Variants in SDS observed in about 807,000 individuals in gnomAD.
The protein encoded by SDS is L-serine dehydratase/L-threonine deaminase.
SDS carries 19 observed loss-of-function variants against 29.3 expected under a neutral mutation model. The ratio of observed to expected loss-of-function variants is 0.65; its 90% CI spans 0.45 to 0.95. SDS has a LOEUF of 0.95. Ranked by LOEUF, SDS falls within the 40% of genes least tolerant of loss-of-function variation. SDS has a pLI of 0.00. For synonymous variants in SDS, 176 were observed against 189.0 expected (o/e 0.93, Z 0.56); for missense variants, 375 against 439.9 (o/e 0.85, Z 1.32).
Position 113,397,325 on chromosome 12 carries a change from G to T in SDS, c.493C>A (p.Leu165Met). The change falls in exon 6 of 8, where the codon CTG (leucine) becomes ATG (methionine). Residue 165 changes from leucine (L) to methionine (M), a missense_variant. Coordinates refer to ENST00000257549, the MANE Select transcript of SDS (RefSeq NM_006843.3). ...TLWEKPGAIA[L>M]SVGGGGLLCG... ...AGCAGGCCCCCGCCGCCCACTGACA[G>T]CGCGATGGCCCCCGGCTTTTCCCAC... 6.2e-7 allele frequency: 1 copy of T among 1,614,050 alleles called. No individual in the cohort carries two copies. The highest frequency in any genetic ancestry group is 1.1e-5 in the South Asian group (1 of 91,070).
At chr12:113,394,351 T>TG (rs1317051298) in intron 6 of SDS, among the ~76,000 whole-genome samples, 7 of 151,144 alleles carry the variant, frequency 4.6e-5, no homozygotes, top group African/African-American at 1.7e-4. Context: ...TTGTTTTTTT[T>TG]TTTTTTTAGA....
Position 113,393,064 on chromosome 12 carries a change from C to G in SDS, c.864G>C (p.Glu288Asp), listed in dbSNP as rs1375828972. The change falls in exon 8 of 8, where the codon GAG (glutamate) becomes GAC (aspartate). Residue 288 changes from glutamate (E) to aspartate (D), a missense_variant. Physicochemically the swap from Glu to Asp is conservative, Grantham distance 45. Transcript: ENST00000257549. ...YSHVIQKLQLEGNLRTPLPSL... is the reference protein window; with the variant it reads ...YSHVIQKLQLDGNLRTPLPSL... ...ATGGCAGCGGGGTTCGGAGATTCCCCTCCAGTTGGAGCTTCTGGATCACGT... is the reference window on the plus strand; with the variant it reads ...ATGGCAGCGGGGTTCGGAGATTCCCGTCCAGTTGGAGCTTCTGGATCACGT... 6.2e-7 allele frequency: 1 copy of G among 1,614,234 alleles called. No homozygotes were observed. Among genetic ancestry groups the G allele is most frequent in the East Asian group, 2.2e-5 (1 of 44,886 alleles).
chr12:113,395,284 C>T (rs140773537), intron 6 of SDS, among the ~76,000 whole-genome samples: 14 of 152,228 alleles, frequency 9.2e-5, no homozygotes, highest in African/African-American at 3.1e-4. Context: ...CCTGAGCCAC[C>T]TCAGCCCTCA....
intron 1 of SDS, among the ~76,000 whole-genome samples, chr12:113,402,752 A>AGGACAG: frequency 6.6e-6 from 1 of 152,288 alleles, no homozygotes; most frequent in East Asian, 1.9e-4. Flanking sequence ...TTCAGGTAAA[A>AGGACAG]GGACAGGGCT....
intron 1 of SDS, among the ~76,000 whole-genome samples, chr12:113,402,742 T>G (rs984118409): frequency 2.0e-5 from 3 of 152,140 alleles, no homozygotes; most frequent in Non-Finnish European, 4.4e-5. Context: ...ATGGGATGCC[T>G]TCAGGTAAAA....
chr12:113,396,535 TCC>T (rs1330957740), intron 6 of SDS: 15 of 84,232 alleles, frequency 1.8e-4, no homozygotes, highest in East Asian at 3.9e-4. Flanking sequence ...CCTCCCTCCC[TCC>T]CTCTCTCCCT....
At position 113,397,410 on chromosome 12, in the gene SDS, G is replaced by A; in HGVS notation, c.426-18C>T. 1.3e-6 allele frequency: 2 copies of A among 1,586,884 alleles called. No homozygotes were observed. Among genetic ancestry groups the A allele is most frequent in the South Asian group, 2.3e-5 (2 of 88,026 alleles). ...GGCCTTCCCTGGAGGGTGGGGAGAG[G>A]GGGTGGCAGGTCAGGGCTAGGCTTC... On this transcript the variant is annotated intron_variant, in intron 5 of 7. Transcript: ENST00000257549.
chr12:113,403,187 C>T (rs180881478), intron 1 of SDS, among the ~76,000 whole-genome samples: 113 of 152,170 alleles, frequency 7.4e-4, no homozygotes, highest in African/African-American at 2.0e-3. Context: ...AGTGCAGGGG[C>T]GCAATAATTG....
intron 7 of SDS, among the ~76,000 whole-genome samples, chr12:113,393,666 T>C (rs993114137): frequency 6.6e-6 from 1 of 152,246 alleles, no homozygotes; most frequent in Non-Finnish European, 1.5e-5. Flanking sequence ...GCTGCTATGG[T>C]TATCAGGCTT....
intron 1 of SDS, among the ~76,000 whole-genome samples, chr12:113,400,761 C>T (rs1593299323): frequency 6.6e-6 from 1 of 151,898 alleles, no homozygotes; most frequent in African/African-American, 2.4e-5. Flanking sequence ...CAGGGTGGGG[C>T]CTCTGAGGAG....
At chr12:113,400,015 C>T (rs949983109) in intron 1 of SDS, among the ~76,000 whole-genome samples, 32 of 152,118 alleles carry the variant, frequency 2.1e-4, no homozygotes, top group African/African-American at 7.2e-4. Context: ...GAGGTGAGGC[C>T]GGGCACAGTG....
chr12:113,393,832 G>A (rs1004933935), intron 7 of SDS, 60 bp downstream of exon 7: 1 of 1,607,828 alleles, frequency 6.2e-7, no homozygotes. Context: ...GGCATACCAA[G>A]TGGACAGCCA....
intron 6 of SDS, among the ~76,000 whole-genome samples, chr12:113,395,301 C>T (rs144684793): frequency 3.9e-5 from 6 of 152,304 alleles, no homozygotes; most frequent in East Asian, 1.9e-4. Flanking sequence ...CTCAGCAGCA[C>T]GTGGTTTACA....
At chr12:113,401,688 C>T (rs1415929924) in intron 1 of SDS, among the ~76,000 whole-genome samples, 2 of 152,240 alleles carry the variant, frequency 1.3e-5, no homozygotes, top group East Asian at 1.9e-4. Flanking sequence ...TCTCTGCGAC[C>T]CATGGGTGTG....
intron 1 of SDS, among the ~76,000 whole-genome samples, chr12:113,402,847 A>C (rs1457543382): frequency 2.6e-5 from 4 of 152,136 alleles, no homozygotes; most frequent in African/African-American, 9.7e-5. Flanking sequence ...GGATCGCAAG[A>C]CTTCAGAAGA....
intron 2 of SDS, 131 bp from the exon 3 acceptor site, chr12:113,399,282 C>G: frequency 4.7e-6 from 5 of 1,053,980 alleles, no homozygotes; most frequent in East Asian, 2.6e-5. Flanking sequence ...TTGTTCTACC[C>G]TTGTCTGAGA....
chr12:113,396,796 A>C, intron 6 of SDS: 1 of 233,742 alleles, frequency 4.3e-6, no homozygotes, highest in Non-Finnish European at 8.5e-6. Context: ...CAGTTAATTT[A>C]AAAAAAAAAC....
chr12:113,398,879 G>A, intron 3 of SDS, 33 bp from the exon 4 acceptor site: 2 of 1,572,876 alleles, frequency 1.3e-6, no homozygotes, highest in Middle Eastern at 1.9e-4. Context: ...GCGTGTCAGT[G>A]CGGGAGCATC....
chr12:113,394,048 G>C (rs1957629655), intron 6 of SDS, 32 bp from the exon 7 acceptor site: 2 of 1,612,024 alleles, frequency 1.2e-6, no homozygotes, highest in Non-Finnish European at 1.7e-6. Flanking sequence ...AAGAGGATGG[G>C]AGTGGGGGAA....
Sources: gnomAD v4.1 joint callset for allele counts (sites outside exome capture counted in the v4.1 genomes callset) on GRCh38, gnomAD v4.1.1 for gene constraint, MANE v1.5 for transcripts, NCBI Gene and HGNC (gene_info 2026-07-23, HGNC 2026-07-21) for gene names.